Variants in MICAL3 observed in about 807,000 individuals in gnomAD.
The protein encoded by MICAL3 is microtubule associated monooxygenase, calponin and LIM domain containing 3, also known as [F-actin]-monooxygenase MICAL3.
A neutral mutation model predicts 207.4 loss-of-function variants in MICAL3; 62 were observed. The observed-to-expected ratio is 0.30, with a 90% CI of 0.24 to 0.37. MICAL3 has a LOEUF of 0.37. Ranked by LOEUF, MICAL3 falls within the 10% of genes least tolerant of loss-of-function variation. The pLI is 1.00. For missense variants in MICAL3, 2,368 were observed against 2,635.6 expected, an observed-to-expected ratio of 0.90 and a Z score of 2.22; for synonymous variants, 1,077 against 1,069.3, an observed-to-expected ratio of 1.01 and a Z score of -0.14.
chr22:18,003,984 G>T (rs1052188470), intron 1 of MICAL3, among the ~76,000 whole-genome samples: 10 of 152,186 alleles, frequency 6.6e-5, no homozygotes, highest in Non-Finnish European at 1.5e-4. Flanking sequence ...TGGCCAGGAT[G>T]GTCTCGATCT....
At chr22:17,798,713 A>T (rs1487764323) in intron 29 of MICAL3, among the ~76,000 whole-genome samples, 1 of 133,240 alleles carries the variant, frequency 7.5e-6, no homozygotes, top group Admixed American at 8.0e-5. Context: ...TCCCTCTGTC[A>T]CCCAGGCTGG....
At chr22:17,927,469 T>TAA (rs776270464) in intron 1 of MICAL3, among the ~76,000 whole-genome samples, 1 of 152,200 alleles carries the variant, frequency 6.6e-6, no homozygotes, top group East Asian at 1.9e-4. Context: ...TAAACAAATC[T>TAA]ACTTAAGCCA....
intron 1 of MICAL3, among the ~76,000 whole-genome samples, chr22:17,908,642 T>C (rs1931916931): frequency 6.6e-6 from 1 of 152,258 alleles, no homozygotes; most frequent in African/African-American, 2.4e-5. Flanking sequence ...TGCTGAGAAA[T>C]CCACATGCCC....
At chr22:17,887,914 G>A (rs1407715909) in intron 13 of MICAL3, among the ~76,000 whole-genome samples, 1 of 152,182 alleles carries the variant, frequency 6.6e-6, no homozygotes, top group Non-Finnish European at 1.5e-5. Context: ...GTACGTCGAT[G>A]TTAGAGCTGT....
intron 20 of MICAL3, among the ~76,000 whole-genome samples, chr22:17,832,643 G>C (rs1369589507): frequency 1.3e-5 from 2 of 152,188 alleles, no homozygotes; most frequent in Non-Finnish European, 2.9e-5. Flanking sequence ...ATTGAGAATG[G>C]AAAGTCTTCT....
intron 19 of MICAL3, among the ~76,000 whole-genome samples, chr22:17,845,526 G>C (rs1451553321): frequency 6.6e-6 from 1 of 152,102 alleles, no homozygotes; most frequent in African/African-American, 2.4e-5. Flanking sequence ...GAGTGAGTCA[G>C]CACACCTGGC....
intron 1 of MICAL3, among the ~76,000 whole-genome samples, chr22:17,930,824 G>A (rs4819651): frequency 1.3e-5 from 2 of 152,206 alleles, no homozygotes; most frequent in South Asian, 2.1e-4. Context: ...GCAGAGACAC[G>A]GGCACCTGGA....
intron 28 of MICAL3, among the ~76,000 whole-genome samples, chr22:17,810,052 CTATT>C (rs2062027353): frequency 8.0e-6 from 1 of 124,964 alleles, no homozygotes; most frequent in Non-Finnish European, 1.6e-5. Flanking sequence ...CTATGCCTGG[CTATT>C]TTTTTTTTTT....
intron 16 of MICAL3, chr22:17,881,411 G>A (rs188463204): frequency 1.2e-4 from 98 of 832,212 alleles, no homozygotes; most frequent in Non-Finnish European, 1.4e-4. Flanking sequence ...CCCCAGGGAG[G>A]CCTTTCCTTG....
intron 19 of MICAL3, among the ~76,000 whole-genome samples, chr22:17,856,328 A>G (rs865834739): frequency 6.6e-6 from 1 of 152,254 alleles, no homozygotes; most frequent in Non-Finnish European, 1.5e-5. Flanking sequence ...ACAAGCCCTA[A>G]GCATGGTCTT....
chr22:17,818,854 C>T lies in MICAL3; in HGVS notation c.3807G>A (p.Glu1269=). The T allele has an allele frequency of 6.5e-7, 1 of 1,542,730 alleles. No individual in the cohort carries two copies. Among genetic ancestry groups the T allele is most frequent in the East Asian group, 2.3e-5 (1 of 44,064 alleles). The change falls in exon 26 of 32, where the codon GAG becomes GAA. Residue 1269 remains glutamate, a synonymous_variant. Transcript: ENST00000441493. The part of the protein sequence containing the change: ...PICSQPQPST[E]ATVPSPTQSP... ...ACTGGGTAGGGGATGGGACAGTGGC[C>T]TCGGTGGAAGGCTGGGGCTGGGAGC...
intron 16 of MICAL3, chr22:17,879,292 T>G: frequency 6.7e-7 from 1 of 1,502,046 alleles, no homozygotes; most frequent in Non-Finnish European, 9.1e-7. Flanking sequence ...CACCACAGCG[T>G]GCCCCGTGTG....
At chr22:18,001,955 T>C (rs542405874) in intron 1 of MICAL3, among the ~76,000 whole-genome samples, 1 of 151,932 alleles carries the variant, frequency 6.6e-6, no homozygotes, top group Non-Finnish European at 1.5e-5. Flanking sequence ...CCCAACACTT[T>C]GGGGAGCCGA....
chr22:17,980,441 T>G (rs1051712515), intron 1 of MICAL3, among the ~76,000 whole-genome samples: 2 of 152,220 alleles, frequency 1.3e-5, no homozygotes, highest in African/African-American at 4.8e-5. Context: ...CACAGCTGAC[T>G]GCACACACAT....
rs1009544687 is a variant in MICAL3 at position 17,907,220 on chromosome 22, G to GA, written c.-74-335_-74-334insT. The stretch of plus-strand genomic sequence containing the variant: ...ATCTAAGTCACTATTGGTGGTGAAG[G>GA]GGGGGGGTCCCCACTGAAGGCGAGC... On this transcript the variant is annotated intron_variant, in intron 1 of 31. Coordinates refer to ENST00000441493, the MANE Select transcript of MICAL3 (RefSeq NM_015241.3). Among the ~76,000 whole-genome samples the GA allele has an allele frequency of 2.0e-5, 3 of 151,806 alleles. No homozygotes were observed. The East Asian group carries it at 5.8e-4, about 29-fold the overall frequency.
chr22:17,972,933 C>A (rs968496343), intron 1 of MICAL3, among the ~76,000 whole-genome samples: 1 of 152,228 alleles, frequency 6.6e-6, no homozygotes, highest in Admixed American at 6.5e-5. Flanking sequence ...ACAATGCCCA[C>A]CCAGACCTGC....
intron 1 of MICAL3, among the ~76,000 whole-genome samples, chr22:17,974,866 T>C (rs1473508605): frequency 6.6e-6 from 1 of 152,204 alleles, no homozygotes; most frequent in African/African-American, 2.4e-5. Context: ...CTAGAGTTCT[T>C]CAGTCCTCAC....
At chr22:17,798,170 C>T (rs1164986542) in intron 29 of MICAL3, among the ~76,000 whole-genome samples, 5 of 152,110 alleles carry the variant, frequency 3.3e-5, no homozygotes, top group African/African-American at 4.8e-5. Flanking sequence ...TTTTATGAGC[C>T]GAGCCACCAT....
At chr22:17,859,624 G>T (rs1460703716) in intron 19 of MICAL3, among the ~76,000 whole-genome samples, 1 of 152,256 alleles carries the variant, frequency 6.6e-6, no homozygotes. Flanking sequence ...AGAGAAATCA[G>T]CTCAGGAAGA....
Sources: allele counts gnomAD v4.1 joint callset (sites outside exome capture counted in the v4.1 genomes callset), GRCh38; gene constraint gnomAD v4.1.1; transcripts MANE v1.5; gene names NCBI Gene and HGNC (gene_info 2026-07-23, HGNC 2026-07-21).